Variants in STARD9 observed in about 807,000 individuals in gnomAD.
STARD9 encodes stAR-related lipid transfer protein 9.
Under a neutral mutation model 399.8 loss-of-function variants are expected in STARD9, and 346 were observed. That is an observed-to-expected ratio of 0.87 (90% CI 0.79 to 0.95). The LOEUF is 0.95. Ranked by LOEUF, STARD9 falls within the 40% of genes least tolerant of loss-of-function variation. The pLI, the probability that STARD9 is intolerant of heterozygous loss-of-function variation, is 0.00. For synonymous variants in STARD9, 2,203 were observed against 2,143.5 expected, an observed-to-expected ratio of 1.03 and a Z score of -0.77; for missense variants, 5,832 against 5,667.5, an observed-to-expected ratio of 1.03 and a Z score of -0.93.
chr15:42,626,175 C>T (rs369826227), intron 3 of STARD9, among the ~76,000 whole-genome samples: 16 of 152,086 alleles, frequency 1.1e-4, no homozygotes, highest in Admixed American at 8.5e-4. Context: ...CTGCCTGCCT[C>T]GGCCTCCCAA....
chr15:42,616,248 G>A (rs1488324403), intron 3 of STARD9, among the ~76,000 whole-genome samples: 2 of 152,198 alleles, frequency 1.3e-5, no homozygotes, highest in Non-Finnish European at 2.9e-5. Flanking sequence ...GGTTAATAAT[G>A]GGCAAAAGAC....
At chr15:42,714,115 G>GGCA (rs2061307344) in intron 26 of STARD9, among the ~76,000 whole-genome samples, 1 of 148,296 alleles carries the variant, frequency 6.7e-6, no homozygotes, top group Non-Finnish European at 1.5e-5. Flanking sequence ...CAGGCTGGAG[G>GGCA]GCAGTGGTGC....
chr15:42,674,809 C>A lies in STARD9; in HGVS notation c.1550-18C>A, dbSNP rs1273672909. On this transcript the variant is annotated intron_variant, in intron 17 of 32. Coordinates refer to ENST00000290607, the MANE Select transcript of STARD9 (RefSeq NM_020759.3). ...CTGCATCGTCCTCCCACCCAAGTGA[C>A]CACCACCTCTTTTGTAGTCCTGCAG... 2.0e-6 allele frequency: 3 copies of A among 1,509,080 alleles called. No individual in the cohort carries two copies. In the South Asian group the frequency reaches 3.8e-5, roughly 19 times the overall value. The allele number at this position is 1,509,080 out of a possible 1,614,324, so 93.5% of individuals were successfully genotyped here. A position where few individuals can be genotyped will look rare whatever the true frequency, so the allele number is the denominator to read the frequency against.
At chr15:42,705,170 T>G (rs879780907) in intron 26 of STARD9, among the ~76,000 whole-genome samples, 1 of 152,188 alleles carries the variant, frequency 6.6e-6, no homozygotes, top group South Asian at 2.1e-4. Context: ...TAACCTCTCC[T>G]TCTGCCATGT....
intron 3 of STARD9, among the ~76,000 whole-genome samples, chr15:42,597,567 C>T (rs1280324224): frequency 3.3e-5 from 5 of 151,850 alleles, no homozygotes; most frequent in Admixed American, 6.6e-5. Flanking sequence ...AATAGAGTCT[C>T]GCTCTGTTGC....
In STARD9 at chr15:42,584,554, C is replaced by T. The variant is rs566000384; in HGVS notation, c.118-967C>T. Among the ~76,000 whole-genome samples, 6 of 152,344 alleles carry T rather than the reference C, an allele frequency of 3.9e-5. No homozygotes were observed. In the South Asian group the frequency reaches 1.0e-3, roughly 26 times the overall value. The stretch of plus-strand genomic sequence containing the variant: ...TAATCATTCTGGCAGCCTAATTCTT[C>T]TGTAGTTTATGATGGCTAGTGGCAG... On this transcript the variant is annotated intron_variant, in intron 2 of 32. Transcript: ENST00000290607.
chr15:42,576,962 T>C (rs528965743), intron 1 of STARD9, among the ~76,000 whole-genome samples: 1 of 152,164 alleles, frequency 6.6e-6, no homozygotes, highest in Non-Finnish European at 1.5e-5. Flanking sequence ...TTGTGACACC[T>C]GGCTTCTTCA....
chr15:42,692,414 A>T lies in STARD9; in HGVS notation c.10836A>T (p.Ala3612=). ...SKPPLAKGSA[A]GPVDEIMLLY... The stretch of plus-strand genomic sequence containing the variant: ...CCCCCTTGGCCAAAGGAAGTGCTGC[A>T]GGTCCAGTGGATGAGATTATGCTGC... The change falls in exon 23 of 33, where the codon GCA becomes GCT. Residue 3612 remains alanine, a synonymous_variant. Transcript: ENST00000290607. The T allele has an allele frequency of 6.5e-7, 1 of 1,537,120 alleles. No homozygotes were observed. Among genetic ancestry groups the T allele is most frequent in the Non-Finnish European group, 8.7e-7 (1 of 1,146,922 alleles).
At chr15:42,663,236 T>C (rs2060023566) in intron 11 of STARD9, 45 bp from the exon 12 acceptor site, 3 of 1,486,038 alleles carry the variant, frequency 2.0e-6, no homozygotes, top group Non-Finnish European at 2.7e-6. Context: ...ATATATTTGC[T>C]TCATAATTCC....
At chr15:42,663,547 A>G (rs1566914296) in intron 12 of STARD9, 57 bp downstream of exon 12, 1 of 1,297,080 alleles carries the variant, frequency 7.7e-7, no homozygotes, top group Non-Finnish European at 1.1e-6. Context: ...TCTCAGAGAA[A>G]GGGCCATGGC....
intron 7 of STARD9, among the ~76,000 whole-genome samples, chr15:42,647,302 T>C (rs927701470): frequency 6.6e-6 from 1 of 152,216 alleles, no homozygotes; most frequent in Admixed American, 6.5e-5. Flanking sequence ...ATTTTATTTT[T>C]CCACTTGTTT....
intron 10 of STARD9, among the ~76,000 whole-genome samples, 175 bp downstream of exon 10, chr15:42,661,400 A>G (rs2059990753): frequency 6.6e-6 from 1 of 152,174 alleles, no homozygotes; most frequent in Admixed American, 6.5e-5. Flanking sequence ...GTTCCTCTAC[A>G]TCAGGGATTC....
chr15:42,623,773 G>A (rs1186599034), intron 3 of STARD9, among the ~76,000 whole-genome samples: 1 of 152,154 alleles, frequency 6.6e-6, no homozygotes, highest in Non-Finnish European at 1.5e-5. Flanking sequence ...AAATGTGGAC[G>A]AACATGGGAA....
At chr15:42,695,053 G>C in intron 24 of STARD9, 87 bp from the exon 25 acceptor site, 1 of 1,105,454 alleles carries the variant, frequency 9.0e-7, no homozygotes, top group Non-Finnish European at 1.3e-6. Flanking sequence ...CTTTTAAGAA[G>C]GTGGTATCAC....
chr15:42,642,550 G>A (rs2059561362), intron 7 of STARD9, among the ~76,000 whole-genome samples: 1 of 152,176 alleles, frequency 6.6e-6, no homozygotes, highest in Non-Finnish European at 1.5e-5. Flanking sequence ...TGTATTTCCT[G>A]TGTACTCAAT....
intron 1 of STARD9, among the ~76,000 whole-genome samples, chr15:42,579,577 G>C (rs1206444546): frequency 6.6e-6 from 1 of 151,960 alleles, no homozygotes; most frequent in African/African-American, 2.4e-5. Flanking sequence ...AGGAAAGGAA[G>C]GAGAGAGGAA....
intron 1 of STARD9, 133 bp downstream of exon 1, chr15:42,575,895 A>G (rs2058043920): frequency 2.0e-6 from 2 of 983,340 alleles, no homozygotes; most frequent in Admixed American, 4.1e-5. Context: ...GGGGTCCGGA[A>G]TCCACGGAGG....
At chr15:42,707,074 G>C (rs533514791) in intron 26 of STARD9, among the ~76,000 whole-genome samples, 13 of 152,154 alleles carry the variant, frequency 8.5e-5, no homozygotes, top group African/African-American at 3.1e-4. Flanking sequence ...CTTAGGTTTT[G>C]TTATTACTTT....
chr15:42,681,385 A>C (rs973467746), intron 20 of STARD9, 37 bp from the exon 21 acceptor site: 4 of 1,520,854 alleles, frequency 2.6e-6, no homozygotes, highest in Admixed American at 2.0e-5. Flanking sequence ...CTTGGTTTGC[A>C]TTTCCCCTTG....
Sources: allele counts gnomAD v4.1 joint callset (sites outside exome capture counted in the v4.1 genomes callset), GRCh38; gene constraint gnomAD v4.1.1; transcripts MANE v1.5; gene names NCBI Gene and HGNC (gene_info 2026-07-23, HGNC 2026-07-21).